The following KAZN variants were observed in gnomAD, a reference collection of about 807,000 sequenced individuals.
The protein encoded by KAZN is kazrin.
In KAZN, 40 loss-of-function variants were observed where a neutral mutation model predicts 87.4. That is an observed-to-expected ratio of 0.46 (90% confidence interval 0.36 to 0.60). The LOEUF (loss-of-function observed/expected upper bound fraction) is 0.60, where lower values mean the gene tolerates loss of function less well. Ranked by LOEUF, KAZN falls within the 20% of genes least tolerant of loss-of-function variation. The pLI is 0.00. For synonymous variants in KAZN, 466 were observed against 458.3 expected (o/e 1.02, Z -0.22); for missense variants, 898 against 1,073.9 (o/e 0.84, Z 2.29).
intron 1 of KAZN, among the ~76,000 whole-genome samples, chr1:14,703,970 A>G (rs764476837): frequency 1.3e-5 from 2 of 152,246 alleles, no homozygotes; most frequent in East Asian, 1.9e-4. Flanking sequence ...TGGCTTACAT[A>G]TGAGAGTCAA....
At chr1:14,906,592 A>C in intron 1 of KAZN, among the ~76,000 whole-genome samples, 1 of 152,012 alleles carries the variant, frequency 6.6e-6, no homozygotes, top group East Asian at 1.9e-4. Flanking sequence ...GCACGTTGAT[A>C]TTTTTTCAAT....
At chr1:14,958,807 A>G (rs370118324) in intron 1 of KAZN, among the ~76,000 whole-genome samples, 1 of 152,002 alleles carries the variant, frequency 6.6e-6, no homozygotes, top group East Asian at 1.9e-4. Context: ...TCCCTCTGTG[A>G]TCTGGAATGG....
chr1:14,550,905 C>T (rs944126376), intron 2 of KAZN, among the ~76,000 whole-genome samples: 1 of 151,382 alleles, frequency 6.6e-6, no homozygotes, highest in African/African-American at 2.4e-5. Flanking sequence ...CCATCCCCAG[C>T]TCTCTCCCCA....
chr1:14,300,426 C>G (rs1056971804), intron 2 of KAZN, among the ~76,000 whole-genome samples: 1 of 152,006 alleles, frequency 6.6e-6, no homozygotes. Flanking sequence ...GAGATGAGGT[C>G]TCCCTATGTT....
intron 1 of KAZN, among the ~76,000 whole-genome samples, chr1:14,919,822 C>T (rs922548959): frequency 1.3e-5 from 2 of 152,026 alleles, no homozygotes; most frequent in African/African-American, 4.8e-5. Context: ...AAAAACTTAC[C>T]ATCGTGTTAC....
chr1:13,998,740 G>A (rs1000419561), intron 1 of KAZN, among the ~76,000 whole-genome samples: 1 of 151,990 alleles, frequency 6.6e-6, no homozygotes, highest in Non-Finnish European at 1.5e-5. Flanking sequence ...ACCCAAAAAA[G>A]ACTTAGGCTC....
intron 1 of KAZN, among the ~76,000 whole-genome samples, chr1:14,834,661 G>A (rs1002113835): frequency 1.3e-5 from 2 of 152,078 alleles, no homozygotes; most frequent in Non-Finnish European, 2.9e-5. Context: ...GCGCCCAGCT[G>A]AAACAACATC....
At chr1:14,303,766 C>A (rs1192511928) in intron 2 of KAZN, among the ~76,000 whole-genome samples, 1 of 152,152 alleles carries the variant, frequency 6.6e-6, no homozygotes, top group Non-Finnish European at 1.5e-5. Context: ...TATAAGAAGT[C>A]TTTTTTAGGC....
intron 2 of KAZN, among the ~76,000 whole-genome samples, chr1:15,033,546 G>A (rs1671949215): frequency 6.6e-6 from 1 of 152,170 alleles, no homozygotes; most frequent in Non-Finnish European, 1.5e-5. Flanking sequence ...CAGTGCATGA[G>A]GATTCCAGTT....
At chr1:14,310,563 G>C (rs1280361416) in intron 2 of KAZN, among the ~76,000 whole-genome samples, 1 of 152,170 alleles carries the variant, frequency 6.6e-6, no homozygotes, top group East Asian at 1.9e-4. Flanking sequence ...TTTGAAGGCT[G>C]CTGGTGGGCC....
At chr1:14,454,644 A>G (rs1557732514) in intron 2 of KAZN, among the ~76,000 whole-genome samples, 1 of 152,210 alleles carries the variant, frequency 6.6e-6, no homozygotes. Context: ...CTGAATACAT[A>G]AATGAATTCT....
chr1:14,353,041 T>C (rs1266267437), intron 2 of KAZN, among the ~76,000 whole-genome samples: 4 of 152,188 alleles, frequency 2.6e-5, no homozygotes, highest in African/African-American at 9.6e-5. Context: ...AAAGAGCATC[T>C]ACAGTAATCG....
chr1:14,309,420 C>T (rs1271361297), intron 2 of KAZN, among the ~76,000 whole-genome samples: 2 of 152,140 alleles, frequency 1.3e-5, no homozygotes, highest in South Asian at 2.1e-4. Flanking sequence ...CAGTGTCCAG[C>T]GTGAAGTGAC....
chr1:15,086,119 C>A (rs1362108457), intron 8 of KAZN, among the ~76,000 whole-genome samples: 1 of 151,940 alleles, frequency 6.6e-6, no homozygotes. Flanking sequence ...TACAGGCGCC[C>A]CCGACCACGC....
intron 8 of KAZN, among the ~76,000 whole-genome samples, chr1:15,080,131 A>G (rs1639928173): frequency 6.6e-6 from 1 of 152,090 alleles, no homozygotes; most frequent in Non-Finnish European, 1.5e-5. Flanking sequence ...AAGGAGGAGG[A>G]TGTCCTCCGA....
At chr1:14,882,834 C>T (rs1653485611) in intron 1 of KAZN, among the ~76,000 whole-genome samples, 1 of 152,056 alleles carries the variant, frequency 6.6e-6, no homozygotes, top group Admixed American at 6.6e-5. Flanking sequence ...CATAATAACC[C>T]CTGTAAAGTA....
chr1:15,023,866 G>A (rs766990003), intron 2 of KAZN, among the ~76,000 whole-genome samples: 18 of 151,008 alleles, frequency 1.2e-4, no homozygotes, highest in Non-Finnish European at 2.2e-4. Context: ...CAGAGCTGGC[G>A]TGGTCGGCTG....
At chr1:14,256,891 G>A (rs1268266973) in intron 2 of KAZN, among the ~76,000 whole-genome samples, 2 of 152,094 alleles carry the variant, frequency 1.3e-5, no homozygotes, top group Non-Finnish European at 2.9e-5. Flanking sequence ...TAAAGGCATC[G>A]ATGATGCGTT....
At chr1:15,010,582 C>T (rs1309630369) in intron 2 of KAZN, among the ~76,000 whole-genome samples, 3 of 152,090 alleles carry the variant, frequency 2.0e-5, no homozygotes, top group Admixed American at 6.5e-5. Flanking sequence ...TTAGTAGAGA[C>T]GGGGTTTCAC....
Sources: allele counts gnomAD v4.1 joint callset (sites outside exome capture counted in the v4.1 genomes callset), GRCh38; gene constraint gnomAD v4.1.1; transcripts MANE v1.5; gene names NCBI Gene and HGNC (gene_info 2026-07-23, HGNC 2026-07-21).